The following NAV1 variants were observed in gnomAD, a reference collection of about 807,000 sequenced individuals.
The protein encoded by NAV1 is pore membrane and/or filament interacting like protein 3.
Under a neutral mutation model 175.2 loss-of-function variants are expected in NAV1, and 18 were observed. The ratio of observed to expected loss-of-function variants is 0.10; its 90% confidence interval spans 0.07 to 0.15. The LOEUF is 0.15. NAV1 is among the 10% of genes least tolerant of loss of function. NAV1 has a pLI of 1.00. For missense variants in NAV1, 1,731 were observed against 2,436.6 expected (o/e 0.71, Z 6.10); for synonymous variants, 897 against 978.7 (o/e 0.92, Z 1.56).
At chr1:201,649,655 C>A (rs1669110747) in intron 1 of NAV1, among the ~76,000 whole-genome samples, 1 of 152,138 alleles carries the variant, frequency 6.6e-6, no homozygotes, top group African/African-American at 2.4e-5. Context: ...AACCCGGGCT[C>A]GACTCTGGCC....
chr1:201,815,760 C>A (rs769945189), intron 28 of NAV1, among the ~76,000 whole-genome samples: 1 of 152,086 alleles, frequency 6.6e-6, no homozygotes, highest in Non-Finnish European at 1.5e-5. Context: ...ATTTTTGAGA[C>A]GGAGTTTCAC....
chr1:201,547,391 T>C (rs1665704827), intron 1 of NAV1, among the ~76,000 whole-genome samples: 1 of 152,182 alleles, frequency 6.6e-6, no homozygotes, highest in Admixed American at 6.5e-5. Flanking sequence ...GATTTTCCAG[T>C]AGTTTCCCAA....
chr1:201,616,929 T>A (rs1380508037), intron 2 of NAV1, among the ~76,000 whole-genome samples: 1 of 152,188 alleles, frequency 6.6e-6, no homozygotes, highest in Non-Finnish European at 1.5e-5. Context: ...ACCTGGTACA[T>A]GGAAGGTGCC....
intron 15 of NAV1, chr1:201,796,097 C>T (rs1677432954): frequency 6.6e-6 from 1 of 152,076 alleles, no homozygotes; most frequent in Non-Finnish European, 1.5e-5. Context: ...GAGTTGTTTT[C>T]ACTTTTTGCC....
At chr1:201,617,838 T>A (rs1668049265) in intron 2 of NAV1, among the ~76,000 whole-genome samples, 1 of 152,228 alleles carries the variant, frequency 6.6e-6, no homozygotes, top group Admixed American at 6.5e-5. Context: ...ACAGCAAACA[T>A]TTTCCTGACA....
Position 201,782,857 on chromosome 1 carries a change from C to A in NAV1, c.2345C>A (p.Pro782Gln). The change falls in exon 6 of 30, where the codon CCA (proline) becomes CAA (glutamine). Residue 782 changes from proline (P) to glutamine (Q), a missense_variant. Pro to Gln is a moderately conservative substitution (Grantham distance 76, BLOSUM62 -1). This residue lies in a region of NAV1 where 634 missense variants were observed against 766.8 expected (regional missense o/e 0.83). Transcript: ENST00000367296. The surrounding 1 kb of genome is among the most constrained non-coding windows in gnomAD (Gnocchi z 5.4). ...GCCACCAAGCTGGCAGAGCTGCCAC[C>A]AACCCCTCTCAGGTACCCAATGTGG... The A allele has an allele frequency of 1.3e-6, 2 of 1,580,454 alleles. No individual in the cohort carries two copies. Among genetic ancestry groups the A allele is most frequent in the Non-Finnish European group, 1.7e-6 (2 of 1,162,696 alleles).
At chr1:201,728,360 G>A (rs239992) in intron 3 of NAV1, among the ~76,000 whole-genome samples, 47,098 of 151,698 alleles carry the variant, frequency 0.31, 8,044 homozygotes, top group Non-Finnish European at 0.39. Context: ...GGGAGGCCGA[G>A]GCAGGTGGAT....
At chr1:201,590,575 T>C (rs1667157690) in intron 2 of NAV1, among the ~76,000 whole-genome samples, 1 of 152,212 alleles carries the variant, frequency 6.6e-6, no homozygotes, top group Non-Finnish European at 1.5e-5. Context: ...CCTGGCTTTC[T>C]TTTTCGGACA....
At chr1:201,655,197 A>C (rs2010382) in intron 1 of NAV1, among the ~76,000 whole-genome samples, 80 of 152,044 alleles carry the variant, frequency 5.3e-4, no homozygotes, top group African/African-American at 1.9e-3. Flanking sequence ...GTGGCTCCCT[A>C]CCGGGGACCC....
At chr1:201,570,004 G>A (rs1033577834) in intron 1 of NAV1, among the ~76,000 whole-genome samples, 4 of 152,130 alleles carry the variant, frequency 2.6e-5, no homozygotes, top group Non-Finnish European at 4.4e-5. Context: ...ATGAGATGAC[G>A]GATGTGGAAA....
chr1:201,599,688 C>T (rs4915543), intron 2 of NAV1, among the ~76,000 whole-genome samples: 9,110 of 152,192 alleles, frequency 0.06, 592 homozygotes, highest in African/African-American at 0.16. Flanking sequence ...ATCAGGCAGG[C>T]TTCCGAGCGC....
In NAV1 at chr1:201,573,650, T is replaced by C. The variant is rs902034583; in HGVS notation, c.-143-14889T>C. 7.9e-5 allele frequency among the ~76,000 whole-genome samples: 12 copies of C among 152,330 alleles called. No homozygotes were observed. The South Asian group carries it at 1.7e-3, about 21-fold the overall frequency. ...TGCTGTACCTATCTCCCAGGGATCT[T>C]GTGATGATTAAGAGAGCTAATACAT... On this transcript the variant is annotated intron_variant, in intron 1 of 33. Transcript: ENST00000685211.
intron 1 of NAV1, among the ~76,000 whole-genome samples, chr1:201,680,037 G>T (rs534163369): frequency 1.3e-5 from 2 of 152,284 alleles, no homozygotes; most frequent in South Asian, 4.1e-4. Context: ...CCTGAGGCTG[G>T]CCAGTTTATA....
At chr1:201,581,025 G>T in intron 1 of NAV1, among the ~76,000 whole-genome samples, 1 of 152,306 alleles carries the variant, frequency 6.6e-6, no homozygotes, top group South Asian at 2.1e-4. Flanking sequence ...CAGGTTGTTC[G>T]TGGGGGCCGG....
chr1:201,667,088 A>G (rs1669852950), intron 1 of NAV1, among the ~76,000 whole-genome samples: 1 of 152,102 alleles, frequency 6.6e-6, no homozygotes. Context: ...GCAAGCCACA[A>G]CATCACAGCA....
intron 3 of NAV1, among the ~76,000 whole-genome samples, chr1:201,749,482 C>T (rs912866004): frequency 8.5e-5 from 13 of 152,200 alleles, no homozygotes; most frequent in Admixed American, 2.0e-4. Context: ...CTTCTGCACA[C>T]GGAGCACAGG....
intron 2 of NAV1, among the ~76,000 whole-genome samples, chr1:201,640,933 G>A (rs485201): frequency 0.82 from 124,729 of 152,234 alleles, 51,736 homozygotes; most frequent in African/African-American, 0.92. Flanking sequence ...TCCTTGGGAA[G>A]CACCAATAGG....
intron 2 of NAV1, among the ~76,000 whole-genome samples, chr1:201,607,115 C>CT (rs914962230): frequency 0.031 from 4,082 of 130,264 alleles, 175 homozygotes; most frequent in African/African-American, 0.092. Flanking sequence ...TAATTTTTTT[C>CT]TTTTTTTTTT....
intron 2 of NAV1, among the ~76,000 whole-genome samples, chr1:201,717,736 G>A (rs1672195728): frequency 6.6e-6 from 1 of 152,218 alleles, no homozygotes; most frequent in Non-Finnish European, 1.5e-5. Context: ...GCTTGGACCA[G>A]TCTTACTGGG....
Sources: gnomAD v4.1 joint callset for allele counts (sites outside exome capture counted in the v4.1 genomes callset) on GRCh38, gnomAD v4.1.1 for gene constraint, gnomAD v4.1.1 regional missense constraint, Gnocchi (gnomAD v3.1) non-coding constraint, MANE v1.5 for transcripts, NCBI Gene and HGNC (gene_info 2026-07-23, HGNC 2026-07-21) for gene names.